Variants in LTBP1 observed in about 807,000 individuals in gnomAD.
The protein encoded by LTBP1 is latent transforming growth factor beta binding protein 1, also known as latent-transforming growth factor beta-binding protein 1.
LTBP1 carries 129 observed loss-of-function variants against 207.6 expected under a neutral mutation model. That is an observed-to-expected ratio of 0.62 (90% CI 0.54 to 0.72). The LOEUF is 0.72. Ranked by LOEUF, LTBP1 falls within the 30% of genes least tolerant of loss-of-function variation. LTBP1 has a pLI of 0.00. For missense variants in LTBP1, 2,281 were observed against 2,217.2 expected (o/e 1.03, Z -0.58); for synonymous variants, 963 against 833.7 (o/e 1.16, Z -2.67).
chr2:32,970,078 G>A (rs114402467), intron 2 of LTBP1, among the ~76,000 whole-genome samples: 7,454 of 152,174 alleles, frequency 0.049, 203 homozygotes, highest in Middle Eastern at 0.058. Flanking sequence ...TTAAAAAAAT[G>A]TCTGTTCATT....
At chr2:33,355,461 T>C (rs2094846549) in intron 26 of LTBP1, among the ~76,000 whole-genome samples, 1 of 152,226 alleles carries the variant, frequency 6.6e-6, no homozygotes, top group Non-Finnish European at 1.5e-5. Context: ...ATAAATGACA[T>C]GTAAATTGTT....
At chr2:33,275,236 G>T (rs1573558507) in intron 17 of LTBP1, 146 bp downstream of exon 17, 1 of 974,770 alleles carries the variant, frequency 1.0e-6, no homozygotes, top group East Asian at 2.7e-5. Context: ...GATCCCAGGT[G>T]ATATAAAAAT....
chr2:32,988,739 A>G (rs963769056), intron 2 of LTBP1, among the ~76,000 whole-genome samples: 4 of 152,214 alleles, frequency 2.6e-5, no homozygotes, highest in Non-Finnish European at 5.9e-5. Context: ...GCAGAGGTCC[A>G]CTAAGCAGAG....
intron 5 of LTBP1, 76 bp from the exon 6 acceptor site, chr2:33,186,780 C>A: frequency 9.0e-7 from 1 of 1,114,266 alleles, no homozygotes; most frequent in Non-Finnish European, 1.3e-6. Flanking sequence ...GTATGTTTTG[C>A]AGGTTTTGTT....
At chr2:33,309,856 T>C (rs187093088) in intron 23 of LTBP1, among the ~76,000 whole-genome samples, 2 of 152,286 alleles carry the variant, frequency 1.3e-5, no homozygotes, top group East Asian at 3.9e-4. Context: ...AAATTATCTT[T>C]ATAGCATCTT....
chr2:33,096,784 G>A (rs62133313), intron 3 of LTBP1, among the ~76,000 whole-genome samples: 13,159 of 152,244 alleles, frequency 0.086, 636 homozygotes, highest in Middle Eastern at 0.12. Flanking sequence ...GAAAGTGCAT[G>A]ATTTTAGTTC....
intron 31 of LTBP1, among the ~76,000 whole-genome samples, chr2:33,387,293 T>G (rs1384631512): frequency 1.3e-5 from 2 of 152,262 alleles, no homozygotes; most frequent in African/African-American, 4.8e-5. Flanking sequence ...TCAGCAATCT[T>G]GCTCTCGCAA....
chr2:33,361,606 T>C, intron 28 of LTBP1, 91 bp downstream of exon 28: 1 of 875,180 alleles, frequency 1.1e-6, no homozygotes, highest in South Asian at 1.7e-5. Flanking sequence ...AGAATTAGAG[T>C]TCTTTTTAGT....
intron 5 of LTBP1, among the ~76,000 whole-genome samples, chr2:33,137,161 TTTATGCATA>T (rs1410847759): frequency 6.6e-6 from 1 of 152,200 alleles, no homozygotes; most frequent in African/African-American, 2.4e-5. Flanking sequence ...TTCAAAAACG[TTTATGCATA>T]TATCTTTTTG....
intron 18 of LTBP1, among the ~76,000 whole-genome samples, chr2:33,278,180 A>G (rs745373330): frequency 2.6e-5 from 4 of 152,112 alleles, no homozygotes; most frequent in Non-Finnish European, 5.9e-5. Flanking sequence ...TGGAAAGATA[A>G]GATACTTAAG....
intron 3 of LTBP1, among the ~76,000 whole-genome samples, chr2:33,110,307 C>A (rs961396888): frequency 2.0e-5 from 3 of 152,172 alleles, no homozygotes; most frequent in Admixed American, 2.0e-4. Flanking sequence ...TGCTCTGAAT[C>A]CTCTGATAAA....
rs538302708 is a variant in LTBP1 at position 32,990,401 on chromosome 2, A to G, written c.566-30508A>G. On this transcript the variant is annotated intron_variant, in intron 2 of 33. Coordinates refer to ENST00000404816, the MANE Select transcript of LTBP1 (RefSeq NM_206943.4). ...CGTAGGGTATTAATTTTTTTAATGT[A>G]ATGTTAGTTGCATTAACTTTTCTGT... Among the ~76,000 whole-genome samples, 3 of 152,290 alleles carry G rather than the reference A, an allele frequency of 2.0e-5. No individual in the cohort carries two copies. The East Asian group carries it at 5.8e-4, about 29-fold the overall frequency.
At chr2:33,260,281 A>G (rs2092974653) in intron 13 of LTBP1, among the ~76,000 whole-genome samples, 1 of 152,196 alleles carries the variant, frequency 6.6e-6, no homozygotes, top group African/African-American at 2.4e-5. Context: ...TTTTCATTAA[A>G]TGAATGAACT....
intron 24 of LTBP1, among the ~76,000 whole-genome samples, chr2:33,317,139 CTG>C: frequency 6.6e-6 from 1 of 152,304 alleles, no homozygotes; most frequent in African/African-American, 2.4e-5. Flanking sequence ...TGCATAATCA[CTG>C]TAATTTAGTT....
At chr2:33,364,147 A>G (rs979675595) in intron 29 of LTBP1, 69 bp from the exon 30 acceptor site, 6 of 1,482,968 alleles carry the variant, frequency 4.0e-6, no homozygotes, top group Non-Finnish European at 5.5e-6. Flanking sequence ...CAATGTGTAA[A>G]GTTTGGGAAG....
chr2:32,949,083 T>C (rs1676713204), intron 2 of LTBP1, 138 bp downstream of exon 2: 1 of 783,676 alleles, frequency 1.3e-6, no homozygotes, highest in Non-Finnish European at 2.2e-6. Context: ...CAGGCTTCAT[T>C]ACCACCTAGG....
chr2:33,192,728 A>T (rs2088045366), intron 7 of LTBP1, among the ~76,000 whole-genome samples: 2 of 152,204 alleles, frequency 1.3e-5, no homozygotes, highest in Admixed American at 6.5e-5. Flanking sequence ...AGTGTCACAG[A>T]CTGGGTAATC....
intron 15 of LTBP1, among the ~76,000 whole-genome samples, chr2:33,270,968 TC>T (rs1247093266): frequency 6.6e-6 from 1 of 152,240 alleles, no homozygotes. Context: ...CTCATTTTAT[TC>T]CTAAGACTAA....
In LTBP1 at chr2:33,187,021, A is replaced by G. The variant is rs1302920789; in HGVS notation, c.1367A>G (p.His456Arg). 3 of 1,614,208 alleles carry G rather than the reference A, an allele frequency of 1.9e-6. No homozygotes were observed. The highest frequency in any genetic ancestry group is 2.5e-6 in the Non-Finnish European group (3 of 1,180,032). Residue 456 changes from histidine (H) to arginine (R), a missense_variant, in exon 6 of 34, where the codon CAT (histidine) becomes CGT (arginine). This residue lies in a region of LTBP1 where 1,671 missense variants were observed against 1,634.8 expected (regional missense o/e 1.02). Transcript: ENST00000404816. ...SQQPGKALGT[H>R]VIHSTHTLPL... ...CAGCCAGGCAAGGCGTTGGGGACGCATGTCATCCATTCAACACATACCTTG... is the reference window on the plus strand; with the variant it reads ...CAGCCAGGCAAGGCGTTGGGGACGCGTGTCATCCATTCAACACATACCTTG...
Sources: gnomAD v4.1 joint callset for allele counts (sites outside exome capture counted in the v4.1 genomes callset) on GRCh38, gnomAD v4.1.1 for gene constraint, gnomAD v4.1.1 regional missense constraint, MANE v1.5 for transcripts, NCBI Gene and HGNC (gene_info 2026-07-23, HGNC 2026-07-21) for gene names.